Variants in ANKRD26 observed in about 807,000 individuals in gnomAD.
ANKRD26 encodes the protein ankyrin repeat domain-containing protein 26.
A neutral mutation model predicts 208.7 loss-of-function variants in ANKRD26; 141 were observed. That is an observed-to-expected ratio of 0.68 (90% CI 0.59 to 0.78). The LOEUF (loss-of-function observed/expected upper bound fraction) is 0.78. ANKRD26 is among the 30% of genes least tolerant of loss of function. The pLI, the probability that ANKRD26 is intolerant of heterozygous loss-of-function variation, is 0.00. For synonymous variants in ANKRD26, 636 were observed against 660.4 expected (o/e 0.96, Z 0.57); for missense variants, 1,889 against 1,938.7 (o/e 0.97, Z 0.48).
chr10:26,965,719 T>C, the ANKRD26 span, among the ~76,000 whole-genome samples: 1 of 152,210 alleles, frequency 6.6e-6, no homozygotes, highest in Non-Finnish European at 1.5e-5. Flanking sequence ...AGAAAATTTT[T>C]GTAATCTACC....
intron 27 of ANKRD26, among the ~76,000 whole-genome samples, chr10:27,028,277 T>A (rs1180270514): frequency 6.6e-6 from 1 of 152,096 alleles, no homozygotes; most frequent in African/African-American, 2.4e-5. Context: ...AAAACTCTGT[T>A]TCATGCATAA....
Position 27,044,191 on chromosome 10 carries a change from C to CA in ANKRD26, c.1986-2_1986-1insT, listed in dbSNP as rs751385725. 11 of 1,409,578 alleles carry CA rather than the reference C, an allele frequency of 7.8e-6. No homozygotes were observed. The highest frequency in any genetic ancestry group is 9.6e-6 in the Non-Finnish European group (10 of 1,039,652). The allele number at this position is 1,409,578 out of a possible 1,614,324, so 87.3% of individuals were successfully genotyped here. A position where few individuals can be genotyped will look rare whatever the true frequency, so the allele number is the denominator to read the frequency against. On this transcript the variant is annotated splice_acceptor_variant, in intron 18 of 33. Coordinates refer to ENST00000376087, the MANE Select transcript of ANKRD26 (RefSeq NM_014915.3). LOFTEE classifies it high-confidence loss of function. The stretch of plus-strand genomic sequence containing the variant: ...TTCATTAGATGTTTTCTTAGTAGGC[C>CA]TAAAAAAAAAAAATACCTTTCAGGC...
At chr10:27,044,248 C>T in intron 18 of ANKRD26, 58 bp from the exon 19 acceptor site, 2 of 1,327,266 alleles carry the variant, frequency 1.5e-6, no homozygotes, top group South Asian at 2.6e-5. Flanking sequence ...CAAGGAATAT[C>T]TAAAACTATT....
chr10:27,017,002 A>G (rs994379730), intron 30 of ANKRD26, among the ~76,000 whole-genome samples: 1 of 152,216 alleles, frequency 6.6e-6, no homozygotes, highest in Non-Finnish European at 1.5e-5. Flanking sequence ...AGCCTGGGCA[A>G]CAAAGCAAGA....
intron 5 of ANKRD26, among the ~76,000 whole-genome samples, chr10:27,083,187 T>C (rs542183227): frequency 3.0e-4 from 46 of 152,332 alleles, no homozygotes; most frequent in African/African-American, 1.1e-3. Flanking sequence ...ACCTCTCTTC[T>C]GCCTTTGCCT....
chr10:27,091,481 G>A (rs73596351), intron 4 of ANKRD26, among the ~76,000 whole-genome samples: 6,759 of 151,904 alleles, frequency 0.044, 180 homozygotes, highest in African/African-American at 0.068. Flanking sequence ...AATAGAAAAG[G>A]AAAAAAATAA....
In ANKRD26 at chr10:27,024,545, C is replaced by A. The variant is rs2053597520; in HGVS notation, c.3987G>T (p.Lys1329Asn). 6.4e-7 allele frequency: 1 copy of A among 1,557,566 alleles called. No individual in the cohort carries two copies. Among genetic ancestry groups the A allele is most frequent in the Non-Finnish European group, 8.8e-7 (1 of 1,131,794 alleles). Reference sequence around the variant, plus strand: ...ATTCCATAAGTTTCTTTAATTGTTCCTTTTCATCTTCAGACTTTGAAACAA... The same window carrying A: ...ATTCCATAAGTTTCTTTAATTGTTCATTTTCATCTTCAGACTTTGAAACAA... ...LLNANLSEDEKEQLKKLMELK... is the reference protein window; with the variant it reads ...LLNANLSEDENEQLKKLMELK... The change falls in exon 28 of 34, where the codon AAG (lysine) becomes AAT (asparagine). Residue 1329 changes from lysine (K) to asparagine (N), a missense_variant. Transcript: ENST00000376087.
chr10:27,049,374 C>T (rs1468160663), intron 16 of ANKRD26, among the ~76,000 whole-genome samples: 1 of 152,090 alleles, frequency 6.6e-6, no homozygotes, highest in African/African-American at 2.4e-5. Context: ...GCCTTTTTAC[C>T]ACCTGGATTT....
the ANKRD26 span, among the ~76,000 whole-genome samples, chr10:26,966,827 G>A: frequency 6.6e-6 from 1 of 152,156 alleles, no homozygotes; most frequent in South Asian, 2.1e-4. Flanking sequence ...CATTACGGTG[G>A]TTTGCATTCT....
chr10:27,092,019 C>T (rs1277502610), intron 4 of ANKRD26, among the ~76,000 whole-genome samples: 3 of 151,616 alleles, frequency 2.0e-5, no homozygotes, highest in Non-Finnish European at 4.4e-5. Context: ...AGTTAAAGTC[C>T]GCATTTTATA....
rs776472795 is a variant in ANKRD26 at position 27,035,467 on chromosome 10, C to A, written c.2983G>T (p.Glu995Ter). 4.3e-6 allele frequency: 7 copies of A among 1,614,016 alleles called. No individual in the cohort carries two copies. Among genetic ancestry groups the A allele is most frequent in the Non-Finnish European group, 5.9e-6 (7 of 1,179,952 alleles). Reference sequence around the variant, plus strand: ...TCCAGTCTTTCCTTGCTTTGCTTTTCATTCTCCAGTTTAGAATTTAGCATT... The same window carrying A: ...TCCAGTCTTTCCTTGCTTTGCTTTTAATTCTCCAGTTTAGAATTTAGCATT... ...NAMLNSKLEN[E>*]KQSKERLEAE... Residue 995 changes from glutamate to a stop codon, truncating the protein, a stop_gained, in exon 24 of 34, where the codon GAA (glutamate) becomes TAA (stop). Transcript: ENST00000376087. LOFTEE classifies it high-confidence loss of function.
Position 27,017,565 on chromosome 10 carries a change from C to T in ANKRD26, c.4443G>A (p.Glu1481=), listed in dbSNP as rs1220906685. ...ELGQVKQYKQ[E]IEERARQEIA... The stretch of plus-strand genomic sequence containing the variant: ...TTTCCTGTCTTGCTCTTTCTTCAAT[C>T]TCCTGTTTATACTGTTTGACTTGAC... The change falls in exon 30 of 34, where the codon GAG becomes GAA. Residue 1481 remains glutamate, a synonymous_variant. Coordinates refer to ENST00000376087, the MANE Select transcript of ANKRD26 (RefSeq NM_014915.3). 5.0e-6 allele frequency: 8 copies of T among 1,613,600 alleles called. No homozygotes were observed. The highest frequency in any genetic ancestry group is 4.0e-5 in the African/African-American group (3 of 74,920).
At chr10:27,028,978 C>CA in intron 26 of ANKRD26, 33 bp from the exon 27 acceptor site, 4 of 1,516,658 alleles carry the variant, frequency 2.6e-6, no homozygotes, top group Non-Finnish European at 3.6e-6. Context: ...ATTATTCTCA[C>CA]AGATAAATTT....
Position 27,017,484 on chromosome 10 carries a change from C to T in ANKRD26, c.4506+18G>A, listed in dbSNP as rs781609393. On this transcript the variant is annotated intron_variant, in intron 30 of 33. Transcript: ENST00000376087. Reference sequence around the variant, plus strand: ...ATTTGCAGTGAAATGAACAAAGGCACACTACACATAAGCTAACCTGTAAAA... The same window carrying T: ...ATTTGCAGTGAAATGAACAAAGGCATACTACACATAAGCTAACCTGTAAAA... 15 of 1,612,252 alleles carry T rather than the reference C, an allele frequency of 9.3e-6. No homozygotes were observed. The Admixed American group carries it at 1.5e-4, about 16-fold the overall frequency.
intron 18 of ANKRD26, among the ~76,000 whole-genome samples, chr10:27,045,460 T>C (rs1300561356): frequency 6.6e-6 from 1 of 151,888 alleles, no homozygotes; most frequent in African/African-American, 2.4e-5. Flanking sequence ...TCAGCATACA[T>C]GTCAATGACA....
Position 27,037,329 on chromosome 10 carries a change from G to A in ANKRD26, c.2560-6C>T, listed in dbSNP as rs1325213951. 2 of 1,613,522 alleles carry A rather than the reference G, an allele frequency of 1.2e-6. No individual in the cohort carries two copies. The highest frequency in any genetic ancestry group is 4.5e-5 in the East Asian group (2 of 44,838). Reference sequence around the variant, plus strand: ...TCATTTCGCTCTTGAACGACCTAGAGATACATTAAGTTTTAGGTCTATTAG... The same window carrying A: ...TCATTTCGCTCTTGAACGACCTAGAAATACATTAAGTTTTAGGTCTATTAG... On this transcript the variant is annotated splice_polypyrimidine_tract_variant and splice_region_variant and intron_variant, in intron 22 of 33. Transcript: ENST00000376087.
intron 4 of ANKRD26, among the ~76,000 whole-genome samples, chr10:26,996,345 A>G (rs1211252232): frequency 6.6e-6 from 1 of 152,138 alleles, no homozygotes; most frequent in Admixed American, 6.6e-5. Context: ...GAGGATCACA[A>G]GGTCAGGAGA....
intron 13 of ANKRD26, among the ~76,000 whole-genome samples, chr10:27,060,886 G>C (rs1274399917): frequency 6.6e-6 from 1 of 152,202 alleles, no homozygotes; most frequent in African/African-American, 2.4e-5. Flanking sequence ...ATGACCCTGA[G>C]AGGAGAAATG....
chr10:27,046,760 A>C (rs1000359743), intron 17 of ANKRD26, among the ~76,000 whole-genome samples: 2 of 152,186 alleles, frequency 1.3e-5, no homozygotes, highest in Non-Finnish European at 2.9e-5. Flanking sequence ...GAAAATGTAT[A>C]TTCCCTGCTT....
Sources: gnomAD v4.1 joint callset for allele counts (sites outside exome capture counted in the v4.1 genomes callset) on GRCh38, gnomAD v4.1.1 for gene constraint, MANE v1.5 for transcripts, NCBI Gene and HGNC (gene_info 2026-07-23, HGNC 2026-07-21) for gene names.